NFIL3: variants seen among roughly 807,000 people sequenced by gnomAD.
NFIL3 encodes the protein nuclear factor interleukin-3-regulated protein.
In NFIL3, 5 loss-of-function variants were observed where a neutral mutation model predicts 10.0. The observed-to-expected ratio is 0.50, with a 90% confidence interval of 0.26 to 1.06. The LOEUF (loss-of-function observed/expected upper bound fraction) is 1.06. Ranked by LOEUF, NFIL3 falls within the 50% of genes least tolerant of loss-of-function variation. The pLI, the probability that NFIL3 is intolerant of heterozygous loss-of-function variation, is 0.13. For missense variants in NFIL3, 436 were observed against 547.6 expected (o/e 0.80, Z 2.03); for synonymous variants, 202 against 206.5 (o/e 0.98, Z 0.19).
At chr9:91,476,694 G>T in the NFIL3 span, among the ~76,000 whole-genome samples, 1 of 152,144 alleles carries the variant, frequency 6.6e-6, no homozygotes. Context: ...AAAAATCTCT[G>T]TGATGGTAGC....
chr9:91,412,852 CAA>C (rs769413699), intron 1 of NFIL3, among the ~76,000 whole-genome samples: 21 of 60,336 alleles, frequency 3.5e-4, no homozygotes, highest in East Asian at 4.4e-4. Context: ...GACTTCGTCT[CAA>C]AAAAAAAAAA....
At chr9:91,459,505 T>C in the NFIL3 span, among the ~76,000 whole-genome samples, 2 of 152,204 alleles carry the variant, frequency 1.3e-5, no homozygotes, top group South Asian at 4.1e-4. Flanking sequence ...TGAGACCCTG[T>C]CTCAACAACA....
At chr9:91,478,601 C>T in the NFIL3 span, among the ~76,000 whole-genome samples, 2 of 151,898 alleles carry the variant, frequency 1.3e-5, no homozygotes, top group Non-Finnish European at 2.9e-5. Context: ...TCCTTTAGCT[C>T]GGAGGAGTTT....
the NFIL3 span, among the ~76,000 whole-genome samples, chr9:91,454,758 G>A: frequency 1.3e-5 from 2 of 152,158 alleles, no homozygotes; most frequent in African/African-American, 4.8e-5. Context: ...CTTAAACCCA[G>A]GAGACAGAGG....
intron 1 of NFIL3, among the ~76,000 whole-genome samples, chr9:91,420,352 TACACACACACACAC>T (rs144270881): frequency 1.5e-4 from 21 of 144,394 alleles, no homozygotes; most frequent in African/African-American, 3.6e-4. Flanking sequence ...TGAAGGTAAA[TACACACACACACAC>T]ACACACACAC....
At chr9:91,456,339 T>C in the NFIL3 span, among the ~76,000 whole-genome samples, 1 of 152,276 alleles carries the variant, frequency 6.6e-6, no homozygotes, top group Admixed American at 6.5e-5. Context: ...CCATTTTCTA[T>C]TCCTATCAGA....
In NFIL3 at chr9:91,410,112, C is replaced by G; in HGVS notation, c.623G>C (p.Cys208Ser). The change falls in exon 2 of 2, where the codon TGC becomes TCC. Residue 208 changes from cysteine (C) to serine (S), a missense_variant. Physicochemically the swap from Cys to Ser is moderately radical, Grantham distance 112. Transcript: ENST00000297689. This position sits in a 1 kb window ranked among gnomAD's most constrained non-coding sequence, Gnocchi z 5.7. ...CTGGAACTTGTTTTCAGGACTTCTG[C>G]AGCTTCCCTGCACAGAGCTCTCCTG... ...HTQESSVQGS[C>S]RSPENKFQII... 1 of 1,614,102 alleles carries G rather than the reference C, an allele frequency of 6.2e-7. No homozygotes were observed. Among genetic ancestry groups the G allele is most frequent in the Non-Finnish European group, 8.5e-7 (1 of 1,180,036 alleles).
At chr9:91,430,239 A>G in the NFIL3 span, among the ~76,000 whole-genome samples, 2 of 152,204 alleles carry the variant, frequency 1.3e-5, no homozygotes, top group South Asian at 2.1e-4. Flanking sequence ...ACAAGTGAGC[A>G]TGTACATCTA....
At chr9:91,423,977 T>G (rs1478203352), upstream of NFIL3, 3 of 141,498 alleles carry the variant, frequency 2.1e-5, no homozygotes, top group African/African-American at 7.8e-5. Flanking sequence ...GGGCGGGCAC[T>G]CCGCGGCCCC....
the NFIL3 span, among the ~76,000 whole-genome samples, chr9:91,477,130 G>A: frequency 6.6e-6 from 1 of 152,042 alleles, no homozygotes; most frequent in African/African-American, 2.4e-5. Flanking sequence ...TTGTGGCCTC[G>A]AGAGCCTGAA....
the NFIL3 span, among the ~76,000 whole-genome samples, chr9:91,440,983 G>A: frequency 6.6e-6 from 1 of 152,116 alleles, no homozygotes; most frequent in African/African-American, 2.4e-5. Context: ...TTCTGCTGCT[G>A]TTGCATGGAA....
In NFIL3 at chr9:91,409,965, T is replaced by G. The variant is rs756657356; in HGVS notation, c.770A>C (p.His257Pro). 62 of 1,613,128 alleles carry G rather than the reference T, an allele frequency of 3.8e-5. 1 individual carries two copies. In the Middle Eastern group the frequency reaches 4.9e-4, roughly 13 times the overall value. Residue 257 changes from histidine to proline, a missense_variant, in exon 2 of 2, where the codon CAC (histidine) becomes CCC (proline). His to Pro is a moderately conservative substitution (Grantham distance 77, BLOSUM62 -2). Transcript: ENST00000297689. ...YMGNSFSGYS[H>P]SPPLLQVNRS... ...GTTGACTTGCAGTAGTGGGGGAGAG[T>G]GTGAGTACCCAGAGAAAGAATTCCC...
At chr9:91,479,317 C>T in the NFIL3 span, among the ~76,000 whole-genome samples, 2 of 152,058 alleles carry the variant, frequency 1.3e-5, no homozygotes, top group African/African-American at 4.8e-5. Flanking sequence ...ATTGGGGCTG[C>T]TGCCTTTCTT....
chr9:91,442,536 G>A, the NFIL3 span, among the ~76,000 whole-genome samples: 2 of 152,176 alleles, frequency 1.3e-5, no homozygotes, highest in African/African-American at 2.4e-5. Context: ...CCAAGGGCGA[G>A]CCAGGCGCAG....
chr9:91,431,337 T>C, the NFIL3 span, among the ~76,000 whole-genome samples: 1 of 152,210 alleles, frequency 6.6e-6, no homozygotes, highest in East Asian at 1.9e-4. Flanking sequence ...AGTTTCTTCA[T>C]CTGAGAAACA....
the NFIL3 span, among the ~76,000 whole-genome samples, chr9:91,466,083 C>T: frequency 6.6e-6 from 1 of 152,010 alleles, no homozygotes; most frequent in African/African-American, 2.4e-5. Flanking sequence ...TTTAGTTAGC[C>T]TGTGTCTTTG....
chr9:91,479,926 A>G, the NFIL3 span, among the ~76,000 whole-genome samples: 2 of 151,700 alleles, frequency 1.3e-5, no homozygotes, highest in African/African-American at 4.8e-5. Flanking sequence ...GACCCCTTGC[A>G]CTTCTCGGGT....
At chr9:91,421,612 T>C (rs140027127) in intron 1 of NFIL3, among the ~76,000 whole-genome samples, 153 of 151,528 alleles carry the variant, frequency 1.0e-3, no homozygotes, top group Non-Finnish European at 1.5e-3. Flanking sequence ...AGCGGCGCAC[T>C]GGGGGCCGCA....
upstream of NFIL3, among the ~76,000 whole-genome samples, chr9:91,428,512 T>C (rs1271087924): frequency 6.6e-6 from 1 of 152,230 alleles, no homozygotes; most frequent in East Asian, 1.9e-4. Flanking sequence ...AAACTAGCTT[T>C]TGTGGGAAAT....
Sources: gnomAD v4.1 joint callset for allele counts (sites outside exome capture counted in the v4.1 genomes callset) on GRCh38, gnomAD v4.1.1 for gene constraint, Gnocchi (gnomAD v3.1) non-coding constraint, MANE v1.5 for transcripts, NCBI Gene and HGNC (gene_info 2026-07-23, HGNC 2026-07-21) for gene names.